The following ARHGAP15 variants were observed in gnomAD, a reference collection of about 807,000 sequenced individuals.
ARHGAP15 encodes rho GTPase-activating protein 15.
Under a neutral mutation model 63.7 loss-of-function variants are expected in ARHGAP15, and 51 were observed. The ratio of observed to expected loss-of-function variants is 0.80; its 90% CI spans 0.64 to 1.01. ARHGAP15 has a LOEUF of 1.01. ARHGAP15 is among the 50% of genes least tolerant of loss of function. The probability of loss-of-function intolerance (pLI) is 0.00; values close to 1 mark genes in which losing one functional copy is unlikely to be tolerated. For synonymous variants in ARHGAP15, 191 were observed against 193.8 expected (o/e 0.99, Z 0.12); for missense variants, 560 against 564.6 (o/e 0.99, Z 0.08).
At chr2:143,544,578 A>G (rs1262856548) in intron 10 of ARHGAP15, among the ~76,000 whole-genome samples, 1 of 152,238 alleles carries the variant, frequency 6.6e-6, no homozygotes, top group Non-Finnish European at 1.5e-5. Flanking sequence ...CTCACAGAGA[A>G]TATATGTTCT....
intron 13 of ARHGAP15, among the ~76,000 whole-genome samples, chr2:143,745,413 C>G (rs950720325): frequency 2.6e-5 from 4 of 152,176 alleles, no homozygotes; most frequent in Non-Finnish European, 5.9e-5. Flanking sequence ...CAGAGCAGGT[C>G]TCTTTGTCCA....
intron 12 of ARHGAP15, among the ~76,000 whole-genome samples, chr2:143,701,274 G>A (rs2105417703): frequency 6.6e-6 from 1 of 152,190 alleles, no homozygotes; most frequent in South Asian, 2.1e-4. Context: ...TAAAGAACCT[G>A]CCAGTTTCTA....
At chr2:143,167,017 C>T (rs952944507) in intron 2 of ARHGAP15, among the ~76,000 whole-genome samples, 10 of 151,930 alleles carry the variant, frequency 6.6e-5, no homozygotes, top group Admixed American at 1.3e-4. Flanking sequence ...TTTATGAATA[C>T]GAATGAAAGT....
intron 8 of ARHGAP15, among the ~76,000 whole-genome samples, chr2:143,475,027 A>G (rs1691746664): frequency 6.6e-6 from 1 of 152,232 alleles, no homozygotes; most frequent in South Asian, 2.1e-4. Flanking sequence ...CACCATCACC[A>G]TACAGCACCC....
intron 6 of ARHGAP15, among the ~76,000 whole-genome samples, chr2:143,352,641 A>C (rs1001322234): frequency 6.6e-6 from 1 of 152,220 alleles, no homozygotes; most frequent in African/African-American, 2.4e-5. Flanking sequence ...CTGAATAAAA[A>C]TATTTCTTTG....
intron 2 of ARHGAP15, chr2:143,171,957 T>C (rs571686939): frequency 2.6e-5 from 4 of 152,270 alleles, no homozygotes; most frequent in Admixed American, 1.3e-4. Context: ...CCACTCACCA[T>C]CTTTAGAATG....
intron 13 of ARHGAP15, among the ~76,000 whole-genome samples, chr2:143,761,309 A>C (rs1686751555): frequency 6.6e-6 from 1 of 152,218 alleles, no homozygotes; most frequent in Non-Finnish European, 1.5e-5. Flanking sequence ...GTGTGACCTG[A>C]TGGCAGGAAT....
At chr2:143,557,533 G>C (rs1035811306) in intron 11 of ARHGAP15, among the ~76,000 whole-genome samples, 1 of 151,972 alleles carries the variant, frequency 6.6e-6, no homozygotes, top group African/African-American at 2.4e-5. Context: ...AATTCTGTAT[G>C]ATGCTGTAAT....
intron 12 of ARHGAP15, among the ~76,000 whole-genome samples, chr2:143,626,922 T>TG (rs1374711690): frequency 2.0e-5 from 3 of 152,186 alleles, no homozygotes; most frequent in African/African-American, 4.8e-5. Context: ...TATTAAGAGA[T>TG]GGGGGGGCTT....
At chr2:143,351,672 T>C (rs1685580272) in intron 6 of ARHGAP15, among the ~76,000 whole-genome samples, 1 of 152,158 alleles carries the variant, frequency 6.6e-6, no homozygotes, top group South Asian at 2.1e-4. Context: ...TAGCTTGCAA[T>C]TAAGCTGACT....
intron 6 of ARHGAP15, among the ~76,000 whole-genome samples, chr2:143,301,559 C>A (rs1682895425): frequency 6.6e-6 from 1 of 151,854 alleles, no homozygotes; most frequent in African/African-American, 2.4e-5. Context: ...AAAATATCTT[C>A]ATAGAGTTTA....
chr2:143,726,628 G>T (rs1324001515), intron 13 of ARHGAP15, among the ~76,000 whole-genome samples: 3 of 152,168 alleles, frequency 2.0e-5, no homozygotes, highest in Non-Finnish European at 4.4e-5. Context: ...CAAATTGGGA[G>T]CATCTGTGAA....
intron 10 of ARHGAP15, among the ~76,000 whole-genome samples, chr2:143,550,843 A>G (rs1044404829): frequency 1.7e-4 from 26 of 152,364 alleles, no homozygotes; most frequent in Admixed American, 7.2e-4. Context: ...TAGTTATAAA[A>G]AACAAAATGT....
intron 9 of ARHGAP15, among the ~76,000 whole-genome samples, chr2:143,514,371 G>C (rs1693715392): frequency 6.6e-6 from 1 of 152,152 alleles, no homozygotes; most frequent in African/African-American, 2.4e-5. Flanking sequence ...ATTTGGTAAG[G>C]CATAAATAAT....
intron 6 of ARHGAP15, among the ~76,000 whole-genome samples, chr2:143,372,716 G>A (rs1322531388): frequency 6.6e-6 from 1 of 152,024 alleles, no homozygotes; most frequent in African/African-American, 2.4e-5. Context: ...GTCAAATTGT[G>A]GAATTCCTGA....
chr2:143,686,032 T>A (rs1683322610), intron 12 of ARHGAP15, among the ~76,000 whole-genome samples: 1 of 152,200 alleles, frequency 6.6e-6, no homozygotes, highest in Non-Finnish European at 1.5e-5. Flanking sequence ...GGAATATGTC[T>A]ACCAGTGAAA....
At chr2:143,432,690 C>G (rs1370170974) in intron 6 of ARHGAP15, among the ~76,000 whole-genome samples, 1 of 151,916 alleles carries the variant, frequency 6.6e-6, no homozygotes, top group African/African-American at 2.4e-5. Context: ...TCAGATGGAC[C>G]CTTATTTAGT....
chr2:143,404,582 A>T (rs1688122428), intron 6 of ARHGAP15, among the ~76,000 whole-genome samples: 1 of 151,920 alleles, frequency 6.6e-6, no homozygotes, highest in Admixed American at 6.6e-5. Context: ...GGTTAGTATT[A>T]GTTGATTAAT....
In ARHGAP15 at chr2:143,435,676, A is replaced by G. The variant is rs775565878; in HGVS notation, c.550A>G (p.Ile184Val). Reference protein sequence around the residue: ...DFIILDWFHAIKNAIDRLPKD... With the variant: ...DFIILDWFHAVKNAIDRLPKD... Reference sequence around the variant, plus strand: ...CATCATATTGGATTGGTTCCACGCTATCAAAAATGCAATTGACAGATTGGT... The same window carrying G: ...CATCATATTGGATTGGTTCCACGCTGTCAAAAATGCAATTGACAGATTGGT... The change falls in exon 7 of 14, where the codon ATC becomes GTC. Residue 184 changes from isoleucine (I) to valine (V), a missense_variant. By Grantham distance (29) the Ile-to-Val change is conservative. Transcript: ENST00000295095. 1 of 1,603,990 alleles carries G rather than the reference A, an allele frequency of 6.2e-7. No homozygotes were observed. Among genetic ancestry groups the G allele is most frequent in the Non-Finnish European group, 8.5e-7 (1 of 1,177,456 alleles).
Sources: gnomAD v4.1 joint callset for allele counts (sites outside exome capture counted in the v4.1 genomes callset) on GRCh38, gnomAD v4.1.1 for gene constraint, MANE v1.5 for transcripts, NCBI Gene and HGNC (gene_info 2026-07-23, HGNC 2026-07-21) for gene names.